Variants in CRACR2A observed in about 807,000 individuals in gnomAD.
CRACR2A encodes EF-hand calcium-binding domain-containing protein 4B.
In CRACR2A, 79 loss-of-function variants were observed where a neutral mutation model predicts 90.5. The observed-to-expected ratio is 0.87, with a 90% CI of 0.73 to 1.05. CRACR2A has a LOEUF of 1.05. Among genes scored for constraint, CRACR2A ranks in the 50% least tolerant of loss-of-function variants. The probability of loss-of-function intolerance (pLI) is 0.00; values close to 1 mark genes in which losing one functional copy is unlikely to be tolerated. For synonymous variants in CRACR2A, 338 were observed against 356.7 expected (o/e 0.95, Z 0.59); for missense variants, 823 against 897.2 (o/e 0.92, Z 1.06).
At position 3,685,618 on chromosome 12, in the gene CRACR2A, T is replaced by A. The variant is rs142640935; in HGVS notation, c.229-5269A>T. ...CTTGAGGACATTATACTAAGTGAAA[T>A]AAGCCAGTCTCAAAAGGACAAATAT... On this transcript the variant is annotated intron_variant, in intron 4 of 19. Coordinates refer to ENST00000440314, the MANE Select transcript of CRACR2A (RefSeq NM_001144958.2). 5.1e-4 allele frequency among the ~76,000 whole-genome samples: 78 copies of A among 152,306 alleles called. 2 individuals carry two copies. In the East Asian group the frequency reaches 0.014, roughly 27 times the overall value.
At chr12:3,710,729 G>T (rs1414596133) in intron 3 of CRACR2A, among the ~76,000 whole-genome samples, 1 of 151,466 alleles carries the variant, frequency 6.6e-6, no homozygotes, top group African/African-American at 2.4e-5. Flanking sequence ...GGAGGCGGAG[G>T]TTGCAGTGAG....
rs58293233 is a variant in CRACR2A, at chr12:3,660,829, A to AAC, written c.672-1177_672-1176dup. ...CTATCAAGGCCTGTTCTGAACATGC[A>AAC]ACACACACACACACACACACACACA... On this transcript the variant is annotated intron_variant, in intron 7 of 19. Transcript: ENST00000440314. Among the ~76,000 whole-genome samples, 797 of 119,702 alleles carry AAC rather than the reference A, an allele frequency of 6.7e-3. 11 individuals carry two copies. The highest frequency in any genetic ancestry group is 7.7e-3 in the Non-Finnish European group (450 of 58,278). 78.5% of individuals were successfully genotyped at this position (119,702 alleles called of 152,430 possible). A position where few individuals can be genotyped will look rare whatever the true frequency, so the allele number is the denominator to read the frequency against.
At chr12:3,697,560 C>T (rs1945763081) in intron 3 of CRACR2A, among the ~76,000 whole-genome samples, 1 of 152,166 alleles carries the variant, frequency 6.6e-6, no homozygotes, top group African/African-American at 2.4e-5. Context: ...AGATTGAAAT[C>T]CAAGCCTGTA....
intron 10 of CRACR2A, among the ~76,000 whole-genome samples, chr12:3,651,647 G>A (rs950869285): frequency 3.3e-5 from 5 of 152,100 alleles, no homozygotes; most frequent in Non-Finnish European, 5.9e-5. Context: ...CAGAATTCTT[G>A]CTGATCAGTG....
chr12:3,683,413 G>A (rs1945492012), intron 4 of CRACR2A, among the ~76,000 whole-genome samples: 1 of 152,190 alleles, frequency 6.6e-6, no homozygotes, highest in Admixed American at 6.5e-5. Context: ...ACACCTGGAA[G>A]GGTGGGCCAG....
intron 14 of CRACR2A, among the ~76,000 whole-genome samples, chr12:3,636,275 C>T (rs570089201): frequency 6.6e-6 from 1 of 152,218 alleles, no homozygotes; most frequent in Non-Finnish European, 1.5e-5. Context: ...TTGTATGGCA[C>T]GGCCTGCCTT....
chr12:3,619,439 A>T, intron 17 of CRACR2A, 67 bp from the exon 18 acceptor site: 2 of 1,303,282 alleles, frequency 1.5e-6, no homozygotes, highest in Non-Finnish European at 2.2e-6. Flanking sequence ...CAGGCTAACA[A>T]TGCCGGCTGG....
intron 15 of CRACR2A, among the ~76,000 whole-genome samples, chr12:3,631,630 T>C (rs1168598142): frequency 6.6e-6 from 1 of 152,196 alleles, no homozygotes; most frequent in African/African-American, 2.4e-5. Context: ...CTTCTTCCCA[T>C]CTGGGTCCCA....
At position 3,633,620 on chromosome 12, in the gene CRACR2A, GCCTGGGGAGAA is replaced by G; in HGVS notation, c.1708_1718del (p.Phe570HisfsTer8). On this transcript the variant is annotated frameshift_variant, in exon 15 of 20. Transcript: ENST00000440314. LOFTEE classifies it high-confidence loss of function. The surrounding 1 kb of genome is among the most constrained non-coding windows in gnomAD (Gnocchi z 4.5). ...AGAACTCACCCACAGTGGCCGCCAT[GCCTGGGGAGAA>G]CCGGTCCTCACAGAATCTCCTCAGG... is the stretch of plus-strand genomic sequence containing the variant. 1 of 1,551,710 alleles carries G rather than the reference GCCTGGGGAGAA, an allele frequency of 6.4e-7. No individual in the cohort carries two copies. Among genetic ancestry groups the G allele is most frequent in the Non-Finnish European group, 8.7e-7 (1 of 1,146,996 alleles).
chr12:3,665,995 C>A (rs1240818282), intron 7 of CRACR2A, among the ~76,000 whole-genome samples: 2 of 152,086 alleles, frequency 1.3e-5, no homozygotes, highest in East Asian at 3.9e-4. Flanking sequence ...GAGGCAGACC[C>A]AAAAGAACCC....
intron 1 of CRACR2A, among the ~76,000 whole-genome samples, chr12:3,749,795 TTGTGTGTGTGTGTGTGTGTGTG>T (rs200387314): frequency 1.4e-4 from 20 of 144,666 alleles, no homozygotes; most frequent in Admixed American, 6.9e-5. Flanking sequence ...TGCTGTTTCT[TTGTGTGTGTGTGTGTGTGTGTG>T]TGTGTGTGTG....
intron 10 of CRACR2A, among the ~76,000 whole-genome samples, chr12:3,651,269 G>A (rs142603297): frequency 6.6e-6 from 1 of 152,374 alleles, no homozygotes; most frequent in East Asian, 1.9e-4. Context: ...GGAAAAGTGT[G>A]TGTGTATGCA....
In CRACR2A at chr12:3,645,613, G is replaced by A. The variant is rs528151537; in HGVS notation, c.1119-973C>T. Among the ~76,000 whole-genome samples the A allele has an allele frequency of 3.9e-5, 6 of 152,328 alleles. No homozygotes were observed. The East Asian group carries it at 5.8e-4, about 15-fold the overall frequency. ...TAAGAACAGATTGCTGGGGGCAAGC[G>A]TGGGGTCCTGACACTTGACGAATAT... On this transcript the variant is annotated intron_variant, in intron 11 of 19. Transcript: ENST00000440314.
At chr12:3,683,955 G>C (rs1945505055) in intron 4 of CRACR2A, among the ~76,000 whole-genome samples, 1 of 152,154 alleles carries the variant, frequency 6.6e-6, no homozygotes, top group Admixed American at 6.5e-5. Context: ...CCAGAACCTA[G>C]AACATGAGGC....
At chr12:3,624,314 G>C (rs1350471522) in intron 17 of CRACR2A, among the ~76,000 whole-genome samples, 2 of 152,170 alleles carry the variant, frequency 1.3e-5, no homozygotes, top group Non-Finnish European at 2.9e-5. Context: ...TTCTCCAGGC[G>C]AGGGAGTTGG....
At chr12:3,619,206 G>C (rs1426700506) in intron 18 of CRACR2A, 65 bp downstream of exon 18, 36 of 1,354,218 alleles carry the variant, frequency 2.7e-5, no homozygotes, top group Non-Finnish European at 3.6e-5. Context: ...AAGGCTCTTG[G>C]GCACTTGCCC....
chr12:3,725,989 C>T (rs2137831046), intron 2 of CRACR2A: 1 of 152,030 alleles, frequency 6.6e-6, no homozygotes, highest in East Asian at 1.9e-4. Flanking sequence ...ATGTCAGAGA[C>T]CTTGGAGATC....
chr12:3,623,516 C>A (rs951199216), intron 17 of CRACR2A, among the ~76,000 whole-genome samples: 1 of 152,174 alleles, frequency 6.6e-6, no homozygotes, highest in South Asian at 2.1e-4. Context: ...TTTCTCTACC[C>A]GACACAGGCC....
At chr12:3,751,435 GAAC>G (rs1431628662) in intron 1 of CRACR2A, among the ~76,000 whole-genome samples, 1 of 152,094 alleles carries the variant, frequency 6.6e-6, no homozygotes, top group Admixed American at 6.5e-5. Context: ...CCAGCTCCAG[GAAC>G]AACACTTCCC....
Sources: gnomAD v4.1 joint callset for allele counts (sites outside exome capture counted in the v4.1 genomes callset) on GRCh38, gnomAD v4.1.1 for gene constraint, Gnocchi (gnomAD v3.1) non-coding constraint, MANE v1.5 for transcripts, NCBI Gene and HGNC (gene_info 2026-07-23, HGNC 2026-07-21) for gene names.